The following LPIN2 variants were observed in gnomAD, a reference collection of about 807,000 sequenced individuals.
LPIN2 encodes lipin 2.
A neutral mutation model predicts 111.4 loss-of-function variants in LPIN2; 55 were observed. The observed-to-expected ratio is 0.49, with a 90% CI of 0.40 to 0.62. The LOEUF (loss-of-function observed/expected upper bound fraction) is 0.62, where lower values mean the gene tolerates loss of function less well. LPIN2 is among the 20% of genes least tolerant of loss of function. The pLI is 0.00. For missense variants in LPIN2, 992 were observed against 1,112.1 expected, an observed-to-expected ratio of 0.89 and a Z score of 1.54; for synonymous variants, 425 against 414.0, an observed-to-expected ratio of 1.03 and a Z score of -0.32.
chr18:2,960,259 A>G (rs1313565721), intron 2 of LPIN2, among the ~76,000 whole-genome samples: 1 of 150,428 alleles, frequency 6.6e-6, no homozygotes, highest in Non-Finnish European at 1.5e-5. Flanking sequence ...AATTAGTATG[A>G]AGGTATTAGC....
At chr18:3,009,065 G>A (rs1052265300) in intron 1 of LPIN2, among the ~76,000 whole-genome samples, 7 of 152,038 alleles carry the variant, frequency 4.6e-5, no homozygotes, top group Non-Finnish European at 8.8e-5. Context: ...CCAGGAGTCT[G>A]AGACCAGCCT....
chr18:3,004,772 A>G (rs1378284937), intron 1 of LPIN2, among the ~76,000 whole-genome samples: 2 of 152,304 alleles, frequency 1.3e-5, no homozygotes, highest in East Asian at 3.9e-4. Context: ...TTTAGGGATC[A>G]TGTTGTATGA....
chr18:2,926,447 G>A (rs950381619), intron 13 of LPIN2, among the ~76,000 whole-genome samples: 18 of 152,226 alleles, frequency 1.2e-4, no homozygotes, highest in Admixed American at 8.5e-4. Context: ...GGGGAGCAGA[G>A]GCACCTGGGC....
chr18:2,948,001 C>G (rs764312428), intron 4 of LPIN2, among the ~76,000 whole-genome samples: 8 of 152,188 alleles, frequency 5.3e-5, no homozygotes, highest in Non-Finnish European at 1.2e-4. Context: ...GGCTACTGTT[C>G]TACAATCTAT....
In LPIN2 at chr18:2,918,152, T is replaced by C. The variant is rs2076996664; in HGVS notation, c.*2141A>G. 6.6e-6 allele frequency: 1 copy of C among 152,124 alleles called. No homozygotes were observed. Among genetic ancestry groups the C allele is most frequent in the Admixed American group, 6.5e-5 (1 of 15,280 alleles). 9.4% of individuals were successfully genotyped at this position (152,124 alleles called of 1,614,324 possible). On this transcript the variant is annotated 3_prime_UTR_variant, in exon 20 of 20. Transcript: ENST00000677752. ...ACTGGATCAATCTGCAGCAACAAAGTCTAGTGCTAGCAGACACAGGGACAG... is the reference window on the plus strand; with the variant it reads ...ACTGGATCAATCTGCAGCAACAAAGCCTAGTGCTAGCAGACACAGGGACAG...
chr18:3,011,692 A>G (rs2078606763), intron 1 of LPIN2: 1 of 152,198 alleles, frequency 6.6e-6, no homozygotes, highest in African/African-American at 2.4e-5. Flanking sequence ...GTCTCGAAAT[A>G]AAAGAGATAC....
At chr18:2,964,533 T>C (rs945465616) in intron 1 of LPIN2, among the ~76,000 whole-genome samples, 3 of 152,118 alleles carry the variant, frequency 2.0e-5, no homozygotes, top group African/African-American at 7.2e-5. Flanking sequence ...TTTCCTTTCC[T>C]CGTGAGAATA....
chr18:2,924,037 G>A (rs2144127297), intron 15 of LPIN2, among the ~76,000 whole-genome samples, 176 bp from the exon 16 acceptor site: 1 of 152,310 alleles, frequency 6.6e-6, no homozygotes, highest in East Asian at 1.9e-4. Context: ...ACCCACTGAG[G>A]TGCTTCTGAA....
chr18:2,937,571 A>AAAAG, intron 7 of LPIN2, 121 bp downstream of exon 7: 3 of 591,232 alleles, frequency 5.1e-6, no homozygotes, highest in Admixed American at 3.3e-5. Flanking sequence ...AAAAAAAAAA[A>AAAAG]GTGCGACGGG....
intron 1 of LPIN2, among the ~76,000 whole-genome samples, chr18:3,010,061 C>T (rs2078577134): frequency 1.3e-5 from 2 of 152,200 alleles, no homozygotes; most frequent in Admixed American, 1.3e-4. Flanking sequence ...CACCAAGTGG[C>T]CCCGGCAGGA....
intron 5 of LPIN2, 44 bp downstream of exon 5, chr18:2,940,561 C>A: frequency 1.7e-6 from 2 of 1,156,986 alleles, no homozygotes; most frequent in Non-Finnish European, 2.6e-6. Flanking sequence ...ATTAATACAT[C>A]TCCTTCCTCT....
chr18:2,925,204 A>C lies in LPIN2; in HGVS notation c.1938+20T>G. 1 of 1,614,048 alleles carries C rather than the reference A, an allele frequency of 6.2e-7. No individual in the cohort carries two copies. Among genetic ancestry groups the C allele is most frequent in the South Asian group, 1.1e-5 (1 of 91,088 alleles). On this transcript the variant is annotated intron_variant, in intron 14 of 19. Transcript: ENST00000677752. This position sits in a 1 kb window ranked among gnomAD's most constrained non-coding sequence, Gnocchi z 4.1. Reference sequence around the variant, plus strand: ...ACTAAAATAAGTCCTACTGGACAACACAGATCATGCAAGACTCACGATCTG... The same window carrying C: ...ACTAAAATAAGTCCTACTGGACAACCCAGATCATGCAAGACTCACGATCTG...
intron 5 of LPIN2, among the ~76,000 whole-genome samples, chr18:2,940,085 G>C (rs994517263): frequency 6.6e-6 from 1 of 152,162 alleles, no homozygotes; most frequent in Admixed American, 6.5e-5. Flanking sequence ...CAGTGCTTTG[G>C]GAGGCCAAGG....
chr18:2,987,136 C>T (rs1367274097), intron 1 of LPIN2, among the ~76,000 whole-genome samples: 2 of 152,254 alleles, frequency 1.3e-5, no homozygotes, highest in East Asian at 3.9e-4. Flanking sequence ...CATTCAAACT[C>T]AAAAAATCCT....
chr18:2,957,903 C>A (rs1346481352), intron 2 of LPIN2, among the ~76,000 whole-genome samples: 2 of 151,856 alleles, frequency 1.3e-5, no homozygotes, highest in Non-Finnish European at 2.9e-5. Flanking sequence ...GTAATCCCAG[C>A]ACTTTGGGAG....
chr18:2,981,465 GAAA>G (rs2078109398), intron 1 of LPIN2, among the ~76,000 whole-genome samples: 1 of 152,180 alleles, frequency 6.6e-6, no homozygotes, highest in Admixed American at 6.5e-5. Flanking sequence ...CCTCTTTCTG[GAAA>G]ACACCAGCAG....
At chr18:2,945,560 C>T (rs117907798) in intron 4 of LPIN2, 15,243 of 1,483,190 alleles carry the variant, frequency 0.01, 115 homozygotes, top group Non-Finnish European at 0.011. Context: ...TCTGCTGTGT[C>T]GTCTTTTTGT....
intron 8 of LPIN2, among the ~76,000 whole-genome samples, chr18:2,933,179 G>A (rs2077236586): frequency 6.6e-6 from 1 of 152,218 alleles, no homozygotes; most frequent in Non-Finnish European, 1.5e-5. Flanking sequence ...AAATATTTAT[G>A]AAATGTTTCA....
intron 1 of LPIN2, among the ~76,000 whole-genome samples, chr18:2,998,841 C>T (rs2078385272): frequency 6.6e-6 from 1 of 152,188 alleles, no homozygotes; most frequent in Admixed American, 6.5e-5. Flanking sequence ...GACACTACTG[C>T]TGTTCTTTCT....
Sources: gnomAD v4.1 joint callset for allele counts (sites outside exome capture counted in the v4.1 genomes callset) on GRCh38, gnomAD v4.1.1 for gene constraint, Gnocchi (gnomAD v3.1) non-coding constraint, MANE v1.5 for transcripts, NCBI Gene and HGNC (gene_info 2026-07-23, HGNC 2026-07-21) for gene names.